Variants in PRELID2 observed in about 807,000 individuals in gnomAD.
PRELID2 encodes PRELI domain containing 2.
A neutral mutation model predicts 28.4 loss-of-function variants in PRELID2; 25 were observed. That is an observed-to-expected ratio of 0.88 (90% CI 0.64 to 1.23). The LOEUF is 1.23. Ranked by LOEUF, PRELID2 falls within the 50% of genes most tolerant of loss-of-function variation. The probability of loss-of-function intolerance (pLI) is 0.00; values close to 1 mark genes in which losing one functional copy is unlikely to be tolerated. For synonymous variants in PRELID2, 76 were observed against 71.6 expected, an observed-to-expected ratio of 1.06 and a Z score of -0.31; for missense variants, 201 against 214.4, an observed-to-expected ratio of 0.94 and a Z score of 0.39.
At chr5:145,786,763 AT>A (rs1752016978) in intron 5 of PRELID2, among the ~76,000 whole-genome samples, 1 of 152,230 alleles carries the variant, frequency 6.6e-6, no homozygotes, top group African/African-American at 2.4e-5. Flanking sequence ...GGTTTTTCAA[AT>A]GCCTACTTGA....
chr5:145,340,770 C>CATACATATAT, the PRELID2 span, among the ~76,000 whole-genome samples: 2 of 116,536 alleles, frequency 1.7e-5, no homozygotes, highest in African/African-American at 6.2e-5. Context: ...TAAAAATATA[C>CATACATATAT]ATATATATAT....
At chr5:145,324,609 A>T in the PRELID2 span, among the ~76,000 whole-genome samples, 3 of 152,220 alleles carry the variant, frequency 2.0e-5, no homozygotes, top group Non-Finnish European at 2.9e-5. Context: ...CTAAAAGAAC[A>T]TCACAAAAAA....
In PRELID2 at chr5:145,694,591, A is replaced by T. The variant is rs576516455; in HGVS notation, n.70+70340T>A. ...GAAGAATTTGAAGTCCACGGTATGA[A>T]GTAAGGTATGACTGTAGTTTTTGAC... On this transcript the variant is annotated intron_variant and non_coding_transcript_variant, in intron 1 of 2. Coordinates refer to the PRELID2 transcript ENST00000510259. Among the ~76,000 whole-genome samples, 18 of 152,310 alleles carry T rather than the reference A, an allele frequency of 1.2e-4. No individual in the cohort carries two copies. In the South Asian group the frequency reaches 3.7e-3, roughly 32 times the overall value.
intron 1 of PRELID2, among the ~76,000 whole-genome samples, chr5:145,823,508 C>G (rs925941462): frequency 6.6e-6 from 1 of 152,202 alleles, no homozygotes; most frequent in Non-Finnish European, 1.5e-5. Flanking sequence ...AATCCAACAG[C>G]CTCTCTGTTA....
chr5:145,586,352 T>C (rs1459140097), intron 1 of PRELID2, among the ~76,000 whole-genome samples: 1 of 151,994 alleles, frequency 6.6e-6, no homozygotes. Flanking sequence ...TATTCATTAA[T>C]AACATAAAGG....
the PRELID2 span, among the ~76,000 whole-genome samples, chr5:145,400,892 G>A: frequency 6.6e-6 from 1 of 152,076 alleles, no homozygotes; most frequent in African/African-American, 2.4e-5. Flanking sequence ...AACCTAATGA[G>A]GCCATGTCTA....
the PRELID2 span, among the ~76,000 whole-genome samples, chr5:145,459,215 T>C: frequency 6.6e-6 from 1 of 152,208 alleles, no homozygotes; most frequent in Admixed American, 6.5e-5. Flanking sequence ...CTGGGAGCTG[T>C]ATCCTGGAAT....
chr5:145,697,080 T>TATATAC (rs1554084239), intron 1 of PRELID2, among the ~76,000 whole-genome samples: 16 of 85,924 alleles, frequency 1.9e-4, no homozygotes, highest in Admixed American at 2.6e-4. Context: ...TATATATATA[T>TATATAC]ACACACACAC....
At chr5:145,689,947 G>A (rs1755111998) in intron 1 of PRELID2, among the ~76,000 whole-genome samples, 1 of 149,900 alleles carries the variant, frequency 6.7e-6, no homozygotes. Context: ...ATACTTTTAA[G>A]TGCCGTTCAC....
At chr5:145,301,831 G>A in the PRELID2 span, among the ~76,000 whole-genome samples, 1 of 151,130 alleles carries the variant, frequency 6.6e-6, no homozygotes, top group African/African-American at 2.4e-5. Flanking sequence ...AGCCTATTAA[G>A]TTGAATATCC....
At chr5:145,580,721 G>A (rs1433030) in intron 1 of PRELID2, among the ~76,000 whole-genome samples, 10,651 of 152,042 alleles carry the variant, frequency 0.07, 564 homozygotes, top group Admixed American at 0.18. Context: ...AATATCCTGA[G>A]AACCCAGGTG....
intron 1 of PRELID2, among the ~76,000 whole-genome samples, chr5:145,512,227 A>G (rs972119748): frequency 2.0e-5 from 3 of 152,120 alleles, no homozygotes; most frequent in African/African-American, 7.2e-5. Flanking sequence ...AAGGCAGGTG[A>G]TTTCTACACT....
At position 145,659,388 on chromosome 5, in the gene PRELID2, CA is replaced by C. The variant is rs551231705; in HGVS notation, n.70+105542del. Among the ~76,000 whole-genome samples the C allele has an allele frequency of 3.3e-3, 502 of 152,328 alleles. 1 individual carries two copies. Among genetic ancestry groups the C allele is most frequent in the Middle Eastern group, 0.01 (3 of 294 alleles). ...TATGTGTACATTTATTTCACCGTAT[CA>C]GACTATAATTCCATTTTAAGGCAGA... On this transcript the variant is annotated intron_variant and non_coding_transcript_variant, in intron 1 of 2. Transcript: ENST00000510259.
intron 1 of PRELID2, among the ~76,000 whole-genome samples, chr5:145,612,937 T>C (rs183159225): frequency 1.8e-4 from 28 of 152,338 alleles, no homozygotes; most frequent in Admixed American, 5.2e-4. Context: ...CTTTTTCGAG[T>C]AATGACTTAT....
chr5:145,762,372 A>G (rs2149765690), intron 6 of PRELID2, among the ~76,000 whole-genome samples: 1 of 151,914 alleles, frequency 6.6e-6, no homozygotes, highest in East Asian at 1.9e-4. Flanking sequence ...CTTCACCTCT[A>G]TAAAAAAGGA....
chr5:145,285,681 C>A, the PRELID2 span, among the ~76,000 whole-genome samples: 1 of 152,160 alleles, frequency 6.6e-6, no homozygotes, highest in Non-Finnish European at 1.5e-5. Context: ...CAGCATTAAT[C>A]TCTGCACAAT....
At chr5:145,429,584 G>A in the PRELID2 span, among the ~76,000 whole-genome samples, 1 of 152,170 alleles carries the variant, frequency 6.6e-6, no homozygotes, top group South Asian at 2.1e-4. Context: ...AGATTACGTA[G>A]GTAGGTCATG....
At chr5:145,290,635 G>A in the PRELID2 span, among the ~76,000 whole-genome samples, 3 of 151,566 alleles carry the variant, frequency 2.0e-5, no homozygotes, top group Admixed American at 6.6e-5. Context: ...AGCATTAGGA[G>A]AAATACCTAA....
At position 145,523,691 on chromosome 5, in the gene PRELID2, A is replaced by T. The variant is rs568066197; in HGVS notation, n.71-50376T>A. 9.2e-5 allele frequency among the ~76,000 whole-genome samples: 14 copies of T among 152,192 alleles called. 1 individual carries two copies. The East Asian group carries it at 2.7e-3, about 30-fold the overall frequency. ...GTCTCCTTTAACCTTAAGTATTTCC[A>T]TAAAGGCCCTCTCTCCAAACACTCC... On this transcript the variant is annotated intron_variant and non_coding_transcript_variant, in intron 1 of 2. Transcript: ENST00000510259.
Sources: gnomAD v4.1 joint callset for allele counts (sites outside exome capture counted in the v4.1 genomes callset) on GRCh38, gnomAD v4.1.1 for gene constraint, MANE v1.5 for transcripts, NCBI Gene and HGNC (gene_info 2026-07-23, HGNC 2026-07-21) for gene names.